The following COL4A5 variants were observed in gnomAD, a reference collection of about 807,000 sequenced individuals.
COL4A5 encodes collagen alpha-5(IV) chain.
Under a neutral mutation model 130.2 loss-of-function variants are expected in COL4A5, and 26 were observed. That is an observed-to-expected ratio of 0.20 (90% CI 0.15 to 0.28). The LOEUF is 0.28. Among genes scored for constraint, COL4A5 ranks in the 10% least tolerant of loss-of-function variants. COL4A5 has a pLI of 1.00. For synonymous variants in COL4A5, 496 were observed against 439.6 expected, an observed-to-expected ratio of 1.13 and a Z score of -1.60; for missense variants, 1,131 against 1,344.3, an observed-to-expected ratio of 0.84 and a Z score of 2.48.
rs745511230 is a variant in COL4A5 at position 108,691,345 on chromosome X, A to T, written c.4529-1403A>T. 3.2e-4 allele frequency among the ~76,000 whole-genome samples: 36 copies of T among 111,226 alleles called. 1 individual carries two copies. Among genetic ancestry groups the T allele is most frequent in the African/African-American group, 8.1e-4 (25 of 30,763 alleles). On this transcript the variant is annotated intron_variant, in intron 49 of 52. Transcript: ENST00000328300. Reference sequence around the variant, plus strand: ...CTTGATCACTATGGATTATATACATAAAAAAAATGTTCATGTGCCCCATAA... The same window carrying T: ...CTTGATCACTATGGATTATATACATTAAAAAAATGTTCATGTGCCCCATAA...
intron 1 of COL4A5, among the ~76,000 whole-genome samples, chrX:108,483,904 G>T (rs796432542): frequency 8.9e-5 from 10 of 112,014 alleles, no homozygotes; most frequent in African/African-American, 3.2e-4. Flanking sequence ...TTTGCCATTT[G>T]TATGTCTTCT....
Position 108,680,917 on chromosome X carries a change from G to A in COL4A5, c.4048G>A (p.Ala1350Thr). 3 of 1,211,255 alleles carry A rather than the reference G, an allele frequency of 2.5e-6. No homozygotes were observed. The highest frequency in any genetic ancestry group is 3.4e-6 in the Non-Finnish European group (3 of 895,079). The change falls in exon 46 of 53, where the codon GCT (alanine) becomes ACT (threonine). Residue 1350 changes from alanine (A) to threonine (T), a missense_variant. Physicochemically the swap from Ala to Thr is moderately conservative, Grantham distance 58. Coordinates refer to ENST00000328300, the MANE Select transcript of COL4A5 (RefSeq NM_033380.3). ...MKGPSGVPGS[A>T]GPEGEPGLIG... ...AGGACCCAGTGGAGTACCTGGATCA[G>A]CTGGCCCTGAGGGGGAACCGGGACT...
At chrX:108,622,389 C>T (rs1383429768) in intron 32 of COL4A5, among the ~76,000 whole-genome samples, 2 of 111,923 alleles carry the variant, frequency 1.8e-5, no homozygotes, top group Non-Finnish European at 3.8e-5. Context: ...CCTCAGCCTC[C>T]CAAAGTGCTG....
intron 3 of COL4A5, among the ~76,000 whole-genome samples, chrX:108,561,130 C>T (rs891905835): frequency 6.3e-5 from 7 of 111,830 alleles, no homozygotes; most frequent in African/African-American, 2.3e-4. Flanking sequence ...AACGTCCATT[C>T]GTAATATTCA....
intron 18 of COL4A5, 64 bp from the exon 19 acceptor site, chrX:108,586,551 T>G: frequency 1.9e-6 from 2 of 1,061,940 alleles, no homozygotes; most frequent in Non-Finnish European, 2.6e-6. Context: ...TCCCATAATG[T>G]TTTCAGGAGA....
At chrX:108,681,925 C>T in intron 47 of COL4A5, 37 bp downstream of exon 47, 1 of 1,149,484 alleles carries the variant, frequency 8.7e-7, no homozygotes, top group East Asian at 3.0e-5. Flanking sequence ...CATTATTATA[C>T]TTTTAATTTC....
At chrX:108,558,731 A>G (rs901105456) in intron 2 of COL4A5, among the ~76,000 whole-genome samples, 29 of 111,234 alleles carry the variant, frequency 2.6e-4, no homozygotes, top group Non-Finnish European at 4.9e-4. Context: ...TACTTATTTA[A>G]TGTAACCCTT....
At chrX:108,591,383 TG>T (rs1482739674) in intron 20 of COL4A5, 152 bp downstream of exon 20, 1 of 662,716 alleles carries the variant, frequency 1.5e-6, no homozygotes, top group Non-Finnish European at 2.3e-6. Context: ...TGGTAGTTCT[TG>T]GATGTTTACA....
intron 36 of COL4A5, among the ~76,000 whole-genome samples, chrX:108,633,007 G>A (rs1443170359): frequency 9.0e-6 from 1 of 111,413 alleles, no homozygotes; most frequent in Non-Finnish European, 1.9e-5. Context: ...AAGAAATAAA[G>A]GGTATTCAGT....
intron 36 of COL4A5, among the ~76,000 whole-genome samples, chrX:108,642,636 A>G (rs972188740): frequency 3.6e-5 from 4 of 110,087 alleles, no homozygotes; most frequent in African/African-American, 1.3e-4. Context: ...GAAGAGAGAC[A>G]ATAATCACTG....
chrX:108,496,178 T>C (rs1191328239), intron 1 of COL4A5, among the ~76,000 whole-genome samples: 1 of 112,461 alleles, frequency 8.9e-6, no homozygotes, highest in East Asian at 2.8e-4. Context: ...GAGACATTTC[T>C]TCTAATGTAT....
chrX:108,674,876 C>A, intron 43 of COL4A5, 123 bp downstream of exon 43: 2 of 656,513 alleles, frequency 3.0e-6, no homozygotes, highest in Non-Finnish European at 4.4e-6. Context: ...TATCCTCAAG[C>A]TGGGGTTTTA....
intron 1 of COL4A5, among the ~76,000 whole-genome samples, chrX:108,507,639 T>C (rs1427320416): frequency 9.0e-6 from 1 of 111,129 alleles, no homozygotes; most frequent in Non-Finnish European, 1.9e-5. Flanking sequence ...AAACCCTGTC[T>C]CTACTGAAAA....
intron 1 of COL4A5, among the ~76,000 whole-genome samples, chrX:108,535,733 G>A (rs746469027): frequency 9.0e-6 from 1 of 111,182 alleles, no homozygotes; most frequent in South Asian, 3.7e-4. Context: ...TATGTCCTCC[G>A]GGAAAAAGTA....
intron 37 of COL4A5, among the ~76,000 whole-genome samples, chrX:108,656,815 TTTC>T (rs2067851526): frequency 8.9e-6 from 1 of 111,924 alleles, no homozygotes; most frequent in Admixed American, 9.5e-5. Flanking sequence ...CTTTTTGAAG[TTTC>T]TTCTTAAGTA....
intron 30 of COL4A5, among the ~76,000 whole-genome samples, chrX:108,619,756 T>G (rs2067002246): frequency 8.9e-6 from 1 of 112,187 alleles, no homozygotes; most frequent in African/African-American, 3.2e-5. Flanking sequence ...TGTGTACTAA[T>G]AATTTATAAT....
intron 31 of COL4A5, among the ~76,000 whole-genome samples, chrX:108,621,043 T>C (rs1419834767): frequency 9.0e-6 from 1 of 110,619 alleles, no homozygotes; most frequent in African/African-American, 3.3e-5. Flanking sequence ...CCTTTCTTTC[T>C]CTTTCTTTCT....
chrX:108,518,358 A>C (rs1334066815), intron 1 of COL4A5, among the ~76,000 whole-genome samples: 1 of 111,589 alleles, frequency 9.0e-6, no homozygotes, highest in African/African-American at 3.2e-5. Flanking sequence ...ATAGAGGCTA[A>C]TCTCACGAAC....
chrX:108,674,810 GT>G, intron 43 of COL4A5, 57 bp downstream of exon 43: 1 of 1,098,603 alleles, frequency 9.1e-7, no homozygotes, highest in African/African-American at 1.9e-5. Flanking sequence ...CTTTGTGTGT[GT>G]GATAAGAGAA....
Sources: gnomAD v4.1 joint callset for allele counts (sites outside exome capture counted in the v4.1 genomes callset) on GRCh38, gnomAD v4.1.1 for gene constraint, MANE v1.5 for transcripts, NCBI Gene and HGNC (gene_info 2026-07-23, HGNC 2026-07-21) for gene names.